The following PCDH15 variants were observed in gnomAD, a reference collection of about 807,000 sequenced individuals.
PCDH15 encodes protocadherin-15.
Under a neutral mutation model 178.5 loss-of-function variants are expected in PCDH15, and 129 were observed. The ratio of observed to expected loss-of-function variants is 0.72; its 90% CI spans 0.63 to 0.84. PCDH15 has a LOEUF of 0.84. Among genes scored for constraint, PCDH15 ranks in the 40% least tolerant of loss-of-function variants. PCDH15 has a pLI of 0.00. For synonymous variants in PCDH15, 800 were observed against 732.0 expected, an observed-to-expected ratio of 1.09 and a Z score of -1.50; for missense variants, 2,230 against 2,099.9, an observed-to-expected ratio of 1.06 and a Z score of -1.21.
chr10:55,178,376 C>G (rs1274941292), intron 1 of PCDH15, among the ~76,000 whole-genome samples: 1 of 152,082 alleles, frequency 6.6e-6, no homozygotes, highest in Non-Finnish European at 1.5e-5. Context: ...AATGGGCCAC[C>G]TCTTGGGAAT....
chr10:54,896,118 C>A (rs1378568087), intron 3 of PCDH15, among the ~76,000 whole-genome samples: 2 of 152,122 alleles, frequency 1.3e-5, no homozygotes, highest in African/African-American at 4.8e-5. Context: ...AACTCCTGAC[C>A]TTGTGATCCA....
chr10:54,865,159 G>A (rs1055686276), intron 3 of PCDH15, among the ~76,000 whole-genome samples: 1 of 152,188 alleles, frequency 6.6e-6, no homozygotes, highest in African/African-American at 2.4e-5. Flanking sequence ...AGTCAGTAAA[G>A]TGGGAGAGGA....
intron 2 of PCDH15, among the ~76,000 whole-genome samples, chr10:54,643,812 A>T (rs141475786): frequency 0.034 from 4,574 of 132,728 alleles, 90 homozygotes; most frequent in African/African-American, 0.064. Context: ...CATTTTTTTT[A>T]AAATTTTATT....
intron 8 of PCDH15, among the ~76,000 whole-genome samples, chr10:54,253,391 A>T (rs897127767): frequency 5.1e-4 from 77 of 152,022 alleles, no homozygotes; most frequent in Non-Finnish European, 1.3e-4. Context: ...TCTGTCACTG[A>T]TCACATTCAC....
chr10:55,209,162 CTTGTAA>C (rs1840490650), intron 1 of PCDH15, among the ~76,000 whole-genome samples: 1 of 151,976 alleles, frequency 6.6e-6, no homozygotes, highest in Admixed American at 6.6e-5. Flanking sequence ...AAAGAAAGAC[CTTGTAA>C]CATGATACAT....
chr10:55,179,572 A>ACCTAGAAAC (rs1839586300), intron 1 of PCDH15, among the ~76,000 whole-genome samples: 2 of 151,562 alleles, frequency 1.3e-5, no homozygotes, highest in Non-Finnish European at 2.9e-5. Flanking sequence ...GCCCATAGAA[A>ACCTAGAAAC]CCTGGACTCA....
chr10:54,613,493 T>TCACACACA (rs1164192874), intron 2 of PCDH15, among the ~76,000 whole-genome samples: 85 of 144,172 alleles, frequency 5.9e-4, no homozygotes, highest in African/African-American at 2.2e-3. Flanking sequence ...TGTCTCTCTC[T>TCACACACA]CACACACACA....
intron 2 of PCDH15, among the ~76,000 whole-genome samples, chr10:54,588,526 G>A (rs552289108): frequency 1.3e-5 from 2 of 152,226 alleles, no homozygotes; most frequent in African/African-American, 4.8e-5. Flanking sequence ...ATATGTGAGG[G>A]AAATATATAG....
intron 2 of PCDH15, among the ~76,000 whole-genome samples, chr10:54,620,661 T>A (rs956393548): frequency 6.6e-6 from 1 of 152,056 alleles, no homozygotes; most frequent in Admixed American, 6.6e-5. Flanking sequence ...AGGCAGAAAT[T>A]GTTATTAGTA....
chr10:54,397,739 A>G (rs956344344), intron 3 of PCDH15, among the ~76,000 whole-genome samples: 5 of 151,994 alleles, frequency 3.3e-5, no homozygotes, highest in African/African-American at 1.2e-4. Flanking sequence ...TTTTTTCTAG[A>G]TGCACTAGAT....
intron 1 of PCDH15, among the ~76,000 whole-genome samples, chr10:54,795,011 T>C (rs1485859294): frequency 2.0e-5 from 3 of 151,992 alleles, no homozygotes; most frequent in East Asian, 3.9e-4. Context: ...ATCTGCCTTA[T>C]AGCTAGGGAT....
intron 2 of PCDH15, among the ~76,000 whole-genome samples, chr10:55,346,819 C>A (rs1176950950): frequency 6.6e-6 from 1 of 151,522 alleles, no homozygotes; most frequent in African/African-American, 2.4e-5. Context: ...GCTCACGGTT[C>A]CTGTGAGATG....
chr10:54,723,700 GA>G (rs565196523), intron 1 of PCDH15, among the ~76,000 whole-genome samples: 11 of 147,500 alleles, frequency 7.5e-5, no homozygotes, highest in African/African-American at 1.0e-4. Context: ...AACTCAACAA[GA>G]AAAAAAATAA....
chr10:54,500,645 T>G (rs1301818328), intron 3 of PCDH15, among the ~76,000 whole-genome samples: 1 of 151,798 alleles, frequency 6.6e-6, no homozygotes, highest in African/African-American at 2.4e-5. Context: ...GCCTGGCCAA[T>G]GTGGTGAAAC....
chr10:54,143,259 G>A (rs1406377302), intron 14 of PCDH15, among the ~76,000 whole-genome samples: 3 of 152,110 alleles, frequency 2.0e-5, no homozygotes, highest in Non-Finnish European at 2.9e-5. Context: ...ATTCTGATAT[G>A]TCTTAATATA....
At chr10:54,269,480 A>G (rs1315226382) in intron 8 of PCDH15, among the ~76,000 whole-genome samples, 3 of 151,984 alleles carry the variant, frequency 2.0e-5, no homozygotes, top group Admixed American at 6.6e-5. Flanking sequence ...TGTTTATTAA[A>G]TTGATTTTCC....
intron 2 of PCDH15, among the ~76,000 whole-genome samples, chr10:55,550,949 A>G (rs1841992254): frequency 6.6e-6 from 1 of 152,098 alleles, no homozygotes; most frequent in African/African-American, 2.4e-5. Context: ...TTTTGTAATG[A>G]ATTCTATTCT....
intron 1 of PCDH15, among the ~76,000 whole-genome samples, chr10:54,720,412 G>A (rs1399607361): frequency 6.6e-6 from 1 of 151,644 alleles, no homozygotes; most frequent in African/African-American, 2.4e-5. Context: ...CAGCAAGAGA[G>A]AAGCATCTAA....
At chr10:55,331,364 T>A (rs969823415) in intron 2 of PCDH15, among the ~76,000 whole-genome samples, 3 of 152,032 alleles carry the variant, frequency 2.0e-5, no homozygotes, top group Non-Finnish European at 4.4e-5. Context: ...TCAACTTTTG[T>A]CTTATCAGAA....
Sources: gnomAD v4.1 joint callset for allele counts (sites outside exome capture counted in the v4.1 genomes callset) on GRCh38, gnomAD v4.1.1 for gene constraint, MANE v1.5 for transcripts, NCBI Gene and HGNC (gene_info 2026-07-23, HGNC 2026-07-21) for gene names.